The following PHTF2 variants were observed in gnomAD, a reference collection of about 807,000 sequenced individuals.
The protein encoded by PHTF2 is putative homeodomain transcription factor 2, also known as protein PHTF2.
PHTF2 carries 60 observed loss-of-function variants against 101.2 expected under a neutral mutation model. That is an observed-to-expected ratio of 0.59 (90% confidence interval 0.48 to 0.73). PHTF2 has a LOEUF of 0.73. Ranked by LOEUF, PHTF2 falls within the 30% of genes least tolerant of loss-of-function variation. The pLI is 0.00. For missense variants in PHTF2, 747 were observed against 908.7 expected, an observed-to-expected ratio of 0.82 and a Z score of 2.29; for synonymous variants, 311 against 307.3, an observed-to-expected ratio of 1.01 and a Z score of -0.13.
intron 12 of PHTF2, among the ~76,000 whole-genome samples, chr7:77,933,110 T>C (rs2471615): frequency 0.76 from 115,813 of 151,888 alleles, 44,671 homozygotes; most frequent in African/African-American, 0.88. Flanking sequence ...TGGTGGCGGG[T>C]GCCTGTAATC....
At position 77,900,998 on chromosome 7, in the gene PHTF2, A is replaced by G. The variant is rs73375866; in HGVS notation, c.286+218A>G. On this transcript the variant is annotated intron_variant, in intron 6 of 19. Coordinates refer to ENST00000416283, the Ensembl canonical transcript of PHTF2. ...ACCTGCTTCTGGGGTAGGAAGCTTT[A>G]CCCATGGCAGAAGGCAAGCGGGACC... Among the ~76,000 whole-genome samples the G allele has an allele frequency of 8.0e-3, 1,216 of 152,334 alleles. 21 individuals carry two copies. Among genetic ancestry groups the G allele is most frequent in the African/African-American group, 0.028 (1,177 of 41,586 alleles).
At chr7:77,903,720 G>A (rs1212754291) in intron 7 of PHTF2, among the ~76,000 whole-genome samples, 1 of 152,180 alleles carries the variant, frequency 6.6e-6, no homozygotes. Flanking sequence ...AAGTCACACA[G>A]CTAGTGCCAA....
At chr7:77,887,792 T>C (rs982690751) in intron 3 of PHTF2, among the ~76,000 whole-genome samples, 8 of 152,144 alleles carry the variant, frequency 5.3e-5, no homozygotes, top group Non-Finnish European at 1.2e-4. Context: ...TGGGAATGAG[T>C]GCACCAGAGG....
At chr7:77,819,480 A>G (rs1385626950) in intron 1 of PHTF2, among the ~76,000 whole-genome samples, 2 of 152,186 alleles carry the variant, frequency 1.3e-5, no homozygotes, top group Non-Finnish European at 2.9e-5. Flanking sequence ...TTCTGTATCT[A>G]TCAAGATGAC....
chr7:77,814,786 A>T (rs1793728182), intron 1 of PHTF2, among the ~76,000 whole-genome samples: 2 of 152,090 alleles, frequency 1.3e-5, no homozygotes, highest in African/African-American at 4.8e-5. Flanking sequence ...TTTTTAAACA[A>T]CATCTAGGCC....
chr7:77,849,677 T>G (rs34042266), intron 2 of PHTF2, among the ~76,000 whole-genome samples: 1 of 152,178 alleles, frequency 6.6e-6, no homozygotes, highest in Non-Finnish European at 1.5e-5. Context: ...ACAATATTAA[T>G]TCTTTGCATC....
At chr7:77,840,392 G>T in intron 2 of PHTF2, 92 bp downstream of exon 2, 2 of 726,968 alleles carry the variant, frequency 2.8e-6, no homozygotes, top group South Asian at 1.8e-5. Context: ...GATTTTGAGT[G>T]GGAAAGGAAG....
At chr7:77,902,492 G>T (rs1801492039) in intron 7 of PHTF2, among the ~76,000 whole-genome samples, 1 of 152,156 alleles carries the variant, frequency 6.6e-6, no homozygotes, top group African/African-American at 2.4e-5. Flanking sequence ...GTAGAGCCCA[G>T]ATTCAATTCT....
chr7:77,924,139 A>T, intron 11 of PHTF2: 2 of 957,548 alleles, frequency 2.1e-6, no homozygotes, highest in Non-Finnish European at 2.5e-6. Context: ...TTTCTAAAAA[A>T]AAGCAAAATA....
intron 9 of PHTF2, among the ~76,000 whole-genome samples, chr7:77,917,091 A>T (rs1431846376): frequency 6.6e-6 from 1 of 152,114 alleles, no homozygotes; most frequent in Non-Finnish European, 1.5e-5. Context: ...TGCTTTAAGG[A>T]GAAGTTTTCC....
At chr7:77,937,717 T>C in exon 13 of PHTF2, 1 of 1,332,252 alleles carries the variant, frequency 7.5e-7, no homozygotes, top group Non-Finnish European at 1.0e-6. Context: ...TAGAGTCATT[T>C]GCCCTGGCTC....
At chr7:77,940,124 A>G in exon 14 of PHTF2, 1 of 1,613,830 alleles carries the variant, frequency 6.2e-7, no homozygotes, top group South Asian at 1.1e-5. Context: ...CGACTTTCTC[A>G]AGCTACAGAC....
chr7:77,819,167 T>C (rs904594570), intron 1 of PHTF2, among the ~76,000 whole-genome samples: 1 of 152,238 alleles, frequency 6.6e-6, no homozygotes, highest in Non-Finnish European at 1.5e-5. Context: ...ATATATAAGA[T>C]TGTGTCATCT....
chr7:77,834,312 C>CAAAA (rs34947684), intron 1 of PHTF2, among the ~76,000 whole-genome samples: 2 of 89,078 alleles, frequency 2.2e-5, no homozygotes, highest in African/African-American at 3.7e-5. Context: ...GACCTTGTCT[C>CAAAA]AAAAAAAAAA....
chr7:77,861,873 C>T (rs1360898048), intron 3 of PHTF2, among the ~76,000 whole-genome samples: 1 of 152,112 alleles, frequency 6.6e-6, no homozygotes, highest in African/African-American at 2.4e-5. Flanking sequence ...GCCTGACCAA[C>T]ATGGAGAAAC....
rs1414913214 is a variant in PHTF2 at position 77,936,126 on chromosome 7, CTCT to C, written c.1339-1582_1339-1580del. Among the ~76,000 whole-genome samples the C allele has an allele frequency of 2.0e-5, 3 of 151,996 alleles. No homozygotes were observed. In the East Asian group the frequency reaches 5.8e-4, roughly 29 times the overall value. On this transcript the variant is annotated intron_variant, in intron 12 of 19. Coordinates refer to ENST00000416283, the Ensembl canonical transcript of PHTF2. The stretch of plus-strand genomic sequence containing the variant: ...TCTAGAAAAGATAAAAATTTCCCAC[CTCT>C]TTTTTTTTACATTATTGAATTATTA...
At chr7:77,939,330 G>A (rs1404236230) in intron 13 of PHTF2, among the ~76,000 whole-genome samples, 1 of 152,064 alleles carries the variant, frequency 6.6e-6, no homozygotes, top group African/African-American at 2.4e-5. Context: ...AAGCGGCTGG[G>A]TGTGTTGGCT....
chr7:77,947,269 G>A (rs115494222), intron 16 of PHTF2, among the ~76,000 whole-genome samples: 2,994 of 152,134 alleles, frequency 0.02, 83 homozygotes, highest in African/African-American at 0.068. Flanking sequence ...TTAAAAGAAG[G>A]TACACAATGA....
chr7:77,949,005 A>G (rs1333435485), intron 16 of PHTF2, among the ~76,000 whole-genome samples: 1 of 152,226 alleles, frequency 6.6e-6, no homozygotes, highest in African/African-American at 2.4e-5. Context: ...ATTGCTTGTA[A>G]TAATGGAAAT....
Sources: gnomAD v4.1 joint callset for allele counts (sites outside exome capture counted in the v4.1 genomes callset) on GRCh38, gnomAD v4.1.1 for gene constraint, MANE v1.5 for transcripts, NCBI Gene and HGNC (gene_info 2026-07-23, HGNC 2026-07-21) for gene names.